Variants in UNC45B observed in about 807,000 individuals in gnomAD.
UNC45B encodes protein unc-45 homolog B.
A neutral mutation model predicts 98.7 loss-of-function variants in UNC45B; 78 were observed. The ratio of observed to expected loss-of-function variants is 0.79; its 90% CI spans 0.66 to 0.95. The LOEUF is 0.95. Ranked by LOEUF, UNC45B falls within the 40% of genes least tolerant of loss-of-function variation. The pLI, the probability that UNC45B is intolerant of heterozygous loss-of-function variation, is 0.00. For synonymous variants in UNC45B, 462 were observed against 480.4 expected (o/e 0.96, Z 0.50); for missense variants, 1,225 against 1,184.9 (o/e 1.03, Z -0.50).
intron 17 of UNC45B, among the ~76,000 whole-genome samples, chr17:35,180,290 A>AGAGAGAGAGAG (rs1597934958): frequency 6.6e-5 from 6 of 90,858 alleles, no homozygotes; most frequent in African/African-American, 1.2e-4. Context: ...GAGAGAGAGA[A>AGAGAGAGAGAG]TTTCTTTACT....
At chr17:35,158,328 C>T (rs1173337862) in intron 7 of UNC45B, among the ~76,000 whole-genome samples, 1 of 152,126 alleles carries the variant, frequency 6.6e-6, no homozygotes, top group Non-Finnish European at 1.5e-5. Context: ...GCCTTGTGAC[C>T]TTGTTGATCT....
At chr17:35,159,322 T>C in intron 7 of UNC45B, 53 bp from the exon 8 acceptor site, 1 of 1,521,800 alleles carries the variant, frequency 6.6e-7, no homozygotes, top group Non-Finnish European at 9.0e-7. Context: ...CTTGGTCATA[T>C]ATATGTGAGA....
rs773339574 is a variant in UNC45B at position 35,147,840 on chromosome 17, G to T, written c.-71G>T. ...GCAGACTGAGGCTGGCTGGCTGGAG[G>T]TTGACACAGGAGTGCTCAGGGGAGC... On this transcript the variant is annotated 5_prime_UTR_variant, in exon 1 of 20. Transcript: ENST00000394570. 1 of 157,910 alleles carries T rather than the reference G, an allele frequency of 6.3e-6. No homozygotes were observed. The highest frequency in any genetic ancestry group is 6.3e-5 in the Admixed American group (1 of 15,990). 9.8% of individuals were successfully genotyped at this position (157,910 alleles called of 1,614,324 possible).
chr17:35,164,384 A>C (rs539646534), intron 9 of UNC45B: 49 of 419,908 alleles, frequency 1.2e-4, no homozygotes, highest in African/African-American at 8.9e-4. Flanking sequence ...TGGAGGCTTG[A>C]CTGGGGCTGG....
chr17:35,173,190 A>G (rs1825063), intron 13 of UNC45B, among the ~76,000 whole-genome samples: 97,864 of 149,956 alleles, frequency 0.65, 31,992 homozygotes, highest in South Asian at 0.71. Flanking sequence ...CAGTGGTGCA[A>G]TCTTGGCTCA....
At chr17:35,173,876 G>C (rs113660693) in intron 13 of UNC45B, among the ~76,000 whole-genome samples, 3 of 149,262 alleles carry the variant, frequency 2.0e-5, no homozygotes, top group African/African-American at 7.4e-5. Flanking sequence ...GCAGTGGTGC[G>C]ATCTCGGCTC....
Position 35,155,350 on chromosome 17 carries a change from G to T in UNC45B, c.694G>T (p.Val232Leu). The change falls in exon 7 of 20, where the codon GTG becomes TTG. Residue 232 changes from valine to leucine, a missense_variant. Val to Leu is a conservative substitution (Grantham distance 32). Coordinates refer to ENST00000394570, the MANE Select transcript of UNC45B (RefSeq NM_001267052.2). The stretch of plus-strand genomic sequence containing the variant: ...AGACCGAATCTGTAGCCTCATGGCC[G>T]TGGAGAATGAGGAGATGTCTCTGGC... ...RIDRICSLMAVENEEMSLAVC... is the reference protein window; with the variant it reads ...RIDRICSLMALENEEMSLAVC... The T allele has an allele frequency of 2.5e-6, 4 of 1,614,204 alleles. No homozygotes were observed. The South Asian group carries it at 3.3e-5, about 13-fold the overall frequency.
At chr17:35,162,940 C>T (rs1219928668) in intron 8 of UNC45B, among the ~76,000 whole-genome samples, 1 of 152,178 alleles carries the variant, frequency 6.6e-6, no homozygotes, top group Non-Finnish European at 1.5e-5. Context: ...CTCCGAAATC[C>T]ATCTCTCTGT....
chr17:35,174,275 C>G lies in UNC45B; in HGVS notation c.1864C>G (p.Arg622Gly). The G allele has an allele frequency of 6.2e-7, 1 of 1,614,146 alleles. No homozygotes were observed. The highest frequency in any genetic ancestry group is 1.1e-5 in the South Asian group (1 of 91,086). ...GGACTTTATAGACATGCGGGTGAAG[C>G]GGCTTCTGAAGGCGGGTGTCATCTC... The part of the protein sequence containing the change: ...KKDFIDMRVK[R>G]LLKAGVISAL... Residue 622 changes from arginine (R) to glycine (G), a missense_variant, in exon 14 of 20, where the codon CGG becomes GGG. Physicochemically the swap from Arg to Gly is moderately radical, Grantham distance 125. Coordinates refer to ENST00000394570, the MANE Select transcript of UNC45B (RefSeq NM_001267052.2).
At chr17:35,181,079 T>C (rs1371869812) in intron 18 of UNC45B, among the ~76,000 whole-genome samples, 1 of 152,184 alleles carries the variant, frequency 6.6e-6, no homozygotes, top group East Asian at 1.9e-4. Flanking sequence ...AAATGCCAAA[T>C]ACAGTTATCA....
At chr17:35,174,914 A>C (rs1382738710) in intron 14 of UNC45B, among the ~76,000 whole-genome samples, 1 of 149,712 alleles carries the variant, frequency 6.7e-6, no homozygotes, top group Non-Finnish European at 1.5e-5. Context: ...AGGGAAAAGA[A>C]GAAGGGAGGA....
intron 18 of UNC45B, among the ~76,000 whole-genome samples, chr17:35,183,066 C>T (rs2092283231): frequency 6.6e-6 from 1 of 151,590 alleles, no homozygotes; most frequent in Admixed American, 6.6e-5. Context: ...CCCTGAAGGC[C>T]CATCCATTAT....
chr17:35,182,871 G>T (rs1056690567), intron 18 of UNC45B, among the ~76,000 whole-genome samples: 1 of 152,082 alleles, frequency 6.6e-6, no homozygotes, highest in South Asian at 2.1e-4. Flanking sequence ...GCTGTGAGGG[G>T]TTAATACCTC....
chr17:35,168,062 G>C lies in UNC45B; in HGVS notation c.1153G>C (p.Gly385Arg). 1 of 1,506,896 alleles carries C rather than the reference G, an allele frequency of 6.6e-7. No homozygotes were observed. 93.3% of individuals were successfully genotyped at this position (1,506,896 alleles called of 1,614,324 possible). A position where few individuals can be genotyped will look rare whatever the true frequency, so the allele number is the denominator to read the frequency against. ...GACCACCCTTGTCCTTTGTTTTAGG[G>C]GCAAGTTTGACCCCCAGGACATGGA... ...FRKICEEYIT[G>R]KFDPQDMDKN... The change falls in exon 10 of 20, where the codon GGC becomes CGC. Residue 385 changes from glycine to arginine, a missense_variant and splice_region_variant. Coordinates refer to ENST00000394570, the MANE Select transcript of UNC45B (RefSeq NM_001267052.2).
At position 35,163,988 on chromosome 17, in the gene UNC45B, C is replaced by A; in HGVS notation, c.980-7C>A. ...GAATCTTAGGCTTGCCACTGTCTAC[C>A]CTGCAGGTCTGAGGAAGATCCTGAA... On this transcript the variant is annotated splice_polypyrimidine_tract_variant and splice_region_variant and intron_variant, in intron 8 of 19. Transcript: ENST00000394570. 1 of 1,607,042 alleles carries A rather than the reference C, an allele frequency of 6.2e-7. No individual in the cohort carries two copies. The highest frequency in any genetic ancestry group is 8.5e-7 in the Non-Finnish European group (1 of 1,176,746).
chr17:35,172,575 A>G (rs2092195486), intron 13 of UNC45B, among the ~76,000 whole-genome samples: 1 of 152,162 alleles, frequency 6.6e-6, no homozygotes, highest in South Asian at 2.1e-4. Context: ...AAGCTGCATG[A>G]TGTTTCATCC....
chr17:35,159,309 C>T, intron 7 of UNC45B, 66 bp from the exon 8 acceptor site: 3 of 1,450,800 alleles, frequency 2.1e-6, no homozygotes, highest in Middle Eastern at 1.8e-4. Flanking sequence ...AGCTGCTGCT[C>T]TTCTTGGTCA....
At chr17:35,185,547 C>G (rs1009561532) in intron 19 of UNC45B, among the ~76,000 whole-genome samples, 3 of 152,000 alleles carry the variant, frequency 2.0e-5, no homozygotes, top group African/African-American at 7.3e-5. Context: ...ACCTCATGCT[C>G]CGCCTGCCTC....
At position 35,180,577 on chromosome 17, in the gene UNC45B, G is replaced by A. The variant is rs1334672645; in HGVS notation, c.2274G>A (p.Glu758=). 1 of 1,613,932 alleles carries A rather than the reference G, an allele frequency of 6.2e-7. No individual in the cohort carries two copies. Among genetic ancestry groups the A allele is most frequent in the South Asian group, 1.1e-5 (1 of 91,060 alleles). The change falls in exon 18 of 20, where the codon GAG becomes GAA. Residue 758 remains glutamate (E), a synonymous_variant. Transcript: ENST00000394570. ...ACCCTAGGCAGAAGATCTTTAAGGAGAGGGCCTTGCCAGACATCGAGAACT... is the reference window on the plus strand; with the variant it reads ...ACCCTAGGCAGAAGATCTTTAAGGAAAGGGCCTTGCCAGACATCGAGAACT... ...SDKLRQKIFK[E]RALPDIENYM...
Sources: allele counts gnomAD v4.1 joint callset (sites outside exome capture counted in the v4.1 genomes callset), GRCh38; gene constraint gnomAD v4.1.1; transcripts MANE v1.5; gene names NCBI Gene and HGNC (gene_info 2026-07-23, HGNC 2026-07-21).